The following LARP4B variants were observed in gnomAD, a reference collection of about 807,000 sequenced individuals.
LARP4B encodes the protein la-related protein 4B.
LARP4B carries 12 observed loss-of-function variants against 89.8 expected under a neutral mutation model. The observed-to-expected ratio is 0.13, with a 90% CI of 0.09 to 0.22. The LOEUF (loss-of-function observed/expected upper bound fraction) is 0.22, where lower values mean the gene tolerates loss of function less well. Ranked by LOEUF, LARP4B falls within the 10% of genes least tolerant of loss-of-function variation. The pLI is 1.00. For synonymous variants in LARP4B, 367 were observed against 363.3 expected (o/e 1.01, Z -0.12); for missense variants, 757 against 947.7 (o/e 0.80, Z 2.64).
chr10:870,120 G>A (rs1564420781), intron 3 of LARP4B: 1 of 785,006 alleles, frequency 1.3e-6, no homozygotes, highest in Admixed American at 6.3e-5. Context: ...TGTGGCTTAT[G>A]GTGCAGATCC....
chr10:825,139 A>G lies in LARP4B; in HGVS notation c.1410T>C (p.Tyr470=), dbSNP rs1588862102. The G allele has an allele frequency of 1.2e-6, 2 of 1,614,210 alleles. No individual in the cohort carries two copies. Among genetic ancestry groups the G allele is most frequent in the Non-Finnish European group, 1.7e-6 (2 of 1,180,050 alleles). Residue 470 remains tyrosine (Y), a synonymous_variant, in exon 13 of 18, where the codon TAT becomes TAC. Transcript: ENST00000316157. Reference sequence around the variant, plus strand: ...GCCCAGGCCCAGCCTCTCTCTTGGCATATGCTGAAGGGTTTTGAATCCGTG... The same window carrying G: ...GCCCAGGCCCAGCCTCTCTCTTGGCGTATGCTGAAGGGTTTTGAATCCGTG... ...TRTRIQNPSA[Y]AKREAGPGRV...
the LARP4B span, among the ~76,000 whole-genome samples, chr10:974,426 G>C: frequency 6.6e-6 from 1 of 152,186 alleles, no homozygotes; most frequent in Non-Finnish European, 1.5e-5. Flanking sequence ...GCGTCTGAGT[G>C]TTTCTCAGAG....
At chr10:905,449 C>T (rs1836462848) in intron 1 of LARP4B, among the ~76,000 whole-genome samples, 1 of 152,168 alleles carries the variant, frequency 6.6e-6, no homozygotes, top group South Asian at 2.1e-4. Flanking sequence ...GAAAATCACA[C>T]CTCAGAAGTC....
intron 1 of LARP4B, among the ~76,000 whole-genome samples, chr10:902,736 C>T (rs575960506): frequency 6.6e-6 from 1 of 152,046 alleles, no homozygotes; most frequent in South Asian, 2.1e-4. Flanking sequence ...CCTCCACATC[C>T]CAGGTTCAAG....
intron 1 of LARP4B, among the ~76,000 whole-genome samples, chr10:912,726 A>T (rs1396089641): frequency 4.1e-5 from 6 of 147,348 alleles, no homozygotes; most frequent in South Asian, 4.3e-4. Context: ...AAAAAAAAAA[A>T]TTCAAAAAAA....
chr10:836,597 A>T (rs1485009506), intron 7 of LARP4B, 91 bp from the exon 8 acceptor site: 1 of 809,540 alleles, frequency 1.2e-6, no homozygotes, highest in African/African-American at 1.7e-5. Flanking sequence ...TATATTACTA[A>T]ATAAGCTAAA....
chr10:946,924 A>G, the LARP4B span, among the ~76,000 whole-genome samples: 1 of 152,068 alleles, frequency 6.6e-6, no homozygotes, highest in African/African-American at 2.4e-5. Flanking sequence ...GCTGGAATTC[A>G]GTGGCGCAAT....
upstream of LARP4B, among the ~76,000 whole-genome samples, chr10:936,502 C>G (rs1176029060): frequency 6.6e-6 from 1 of 152,106 alleles, no homozygotes. Context: ...GGTGTATCAT[C>G]TAATGTCAGG....
chr10:815,107 C>T (rs749623036), intron 15 of LARP4B, 37 bp from the exon 16 acceptor site: 41 of 1,517,164 alleles, frequency 2.7e-5, no homozygotes, highest in Admixed American at 2.4e-4. Context: ...AGAGTCCTGC[C>T]GGCACTAAGC....
At chr10:946,040 G>C in the LARP4B span, among the ~76,000 whole-genome samples, 2 of 152,184 alleles carry the variant, frequency 1.3e-5, no homozygotes, top group Non-Finnish European at 2.9e-5. Flanking sequence ...CAGCGGAGTA[G>C]ACTTGTACCC....
upstream of LARP4B, among the ~76,000 whole-genome samples, chr10:935,175 T>A (rs1197761726): frequency 6.6e-6 from 1 of 152,168 alleles, no homozygotes; most frequent in Non-Finnish European, 1.5e-5. Flanking sequence ...GAGTCTACAC[T>A]TGAATAAAAT....
intron 5 of LARP4B, among the ~76,000 whole-genome samples, chr10:860,132 G>T: frequency 7.7e-6 from 1 of 130,644 alleles, no homozygotes; most frequent in Non-Finnish European, 1.6e-5. Flanking sequence ...GGGGGTGGGG[G>T]GGAGGGGAGT....
the LARP4B span, among the ~76,000 whole-genome samples, chr10:944,165 G>A: frequency 6.6e-6 from 1 of 152,202 alleles, no homozygotes; most frequent in Admixed American, 6.5e-5. Flanking sequence ...CGGTGTAGCC[G>A]AGGACTAAAA....
intron 1 of LARP4B, among the ~76,000 whole-genome samples, chr10:900,116 C>T (rs559703847): frequency 6.6e-5 from 10 of 151,980 alleles, no homozygotes; most frequent in South Asian, 4.1e-4. Context: ...GAGGCCGAGG[C>T]GGGTGGATCA....
At chr10:918,443 T>C (rs966281916) in intron 1 of LARP4B, among the ~76,000 whole-genome samples, 2 of 151,920 alleles carry the variant, frequency 1.3e-5, no homozygotes, top group African/African-American at 4.8e-5. Context: ...GACCAGCCTG[T>C]GCAACAAGAT....
the LARP4B span, among the ~76,000 whole-genome samples, chr10:981,605 C>T: frequency 6.6e-6 from 1 of 152,194 alleles, no homozygotes; most frequent in Non-Finnish European, 1.5e-5. Context: ...GAGTCTCACT[C>T]TGTCGCCCAG....
intron 1 of LARP4B, among the ~76,000 whole-genome samples, chr10:901,171 TC>T (rs1836334393): frequency 6.6e-6 from 1 of 152,080 alleles, no homozygotes; most frequent in Non-Finnish European, 1.5e-5. Flanking sequence ...CGCCTCGGCC[TC>T]CCAAAGTGCT....
At chr10:827,279 G>A (rs12251459) in intron 11 of LARP4B, among the ~76,000 whole-genome samples, 3 of 106,784 alleles carry the variant, frequency 2.8e-5, no homozygotes, top group African/African-American at 7.3e-5. Context: ...CTGTCTCAAA[G>A]AAAAAGAAAA....
At chr10:865,016 T>C (rs966011399) in intron 3 of LARP4B, among the ~76,000 whole-genome samples, 1 of 152,060 alleles carries the variant, frequency 6.6e-6, no homozygotes, top group Non-Finnish European at 1.5e-5. Flanking sequence ...AAGATGAAAA[T>C]TGCTCCTAAG....
Sources: gnomAD v4.1 joint callset for allele counts (sites outside exome capture counted in the v4.1 genomes callset) on GRCh38, gnomAD v4.1.1 for gene constraint, MANE v1.5 for transcripts, NCBI Gene and HGNC (gene_info 2026-07-23, HGNC 2026-07-21) for gene names.